KDM1B: variants seen among roughly 807,000 people sequenced by gnomAD.
KDM1B encodes the protein lysine demethylase 1B.
KDM1B carries 63 observed loss-of-function variants against 107.4 expected under a neutral mutation model. The observed-to-expected ratio is 0.59, with a 90% CI of 0.48 to 0.72. KDM1B has a LOEUF of 0.72. Among genes scored for constraint, KDM1B ranks in the 30% least tolerant of loss-of-function variants. KDM1B has a pLI of 0.00. For missense variants in KDM1B, 749 were observed against 1,020.8 expected (o/e 0.73, Z 3.63); for synonymous variants, 363 against 363.9 (o/e 1.00, Z 0.03).
At chr6:18,202,853 T>G (rs1368400691) in intron 14 of KDM1B, among the ~76,000 whole-genome samples, 1 of 152,218 alleles carries the variant, frequency 6.6e-6, no homozygotes, top group Non-Finnish European at 1.5e-5. Flanking sequence ...TTAGTAAGTT[T>G]TGACTGATAT....
At position 18,214,160 on chromosome 6, in the gene KDM1B, T is replaced by C. The variant is rs1429242243; in HGVS notation, c.2109+379T>C. ...GGTGTATGATTGGTGAGGGAGGGTG[T>C]GAGTGTCAGCAGATGTGAGAGCTGA... On this transcript the variant is annotated intron_variant, in intron 19 of 21. Transcript: ENST00000650836. The surrounding 1 kb of genome is among the most constrained non-coding windows in gnomAD (Gnocchi z 4.4). Among the ~76,000 whole-genome samples the C allele has an allele frequency of 2.0e-5, 3 of 151,846 alleles. No individual in the cohort carries two copies. Among genetic ancestry groups the C allele is most frequent in the African/African-American group, 7.3e-5 (3 of 41,328 alleles).
Position 18,191,296 on chromosome 6 carries a change from A to T in KDM1B, c.884A>T (p.Tyr295Phe). Residue 295 changes from tyrosine (Y) to phenylalanine (F), a missense_variant, in exon 10 of 22, where the codon TAT becomes TTT. By Grantham distance (22) the Tyr-to-Phe change is conservative. Transcript: ENST00000650836. The surrounding 1 kb of genome is among the most constrained non-coding windows in gnomAD (Gnocchi z 5.1). ...RPDVMELDEL[Y>F]EFPEYSRDPT... ...GATGTGATGGAACTGGATGAGCTCT[A>T]TGAGTTTCCAGAGTATTCCCGAGAC... The T allele has an allele frequency of 6.4e-7, 1 of 1,550,856 alleles. No individual in the cohort carries two copies. Among genetic ancestry groups the T allele is most frequent in the South Asian group, 1.2e-5 (1 of 84,058 alleles).
intron 12 of KDM1B, among the ~76,000 whole-genome samples, chr6:18,198,637 CAAAAAAAAA>C (rs762849198): frequency 5.8e-5 from 4 of 69,222 alleles, no homozygotes; most frequent in Non-Finnish European, 7.4e-5. Context: ...GACTCCATCT[CAAAAAAAAA>C]AAAAAAAAAA....
chr6:18,183,469 A>G (rs1018000771), intron 7 of KDM1B, among the ~76,000 whole-genome samples: 1 of 151,702 alleles, frequency 6.6e-6, no homozygotes, highest in African/African-American at 2.4e-5. Context: ...CACGTTGGCC[A>G]GGCTTGTCTC....
rs147901190 is a variant in KDM1B at position 18,172,482 on chromosome 6, T to C, written c.534+1003T>C. Among the ~76,000 whole-genome samples, 2,289 of 152,240 alleles carry C rather than the reference T, an allele frequency of 0.015. 30 individuals are homozygous for C. The highest frequency in any genetic ancestry group is 0.034 in the Middle Eastern group (10 of 294). On this transcript the variant is annotated intron_variant, in intron 7 of 21. Transcript: ENST00000650836. The surrounding 1 kb of genome is among the most constrained non-coding windows in gnomAD (Gnocchi z 5.2). The stretch of plus-strand genomic sequence containing the variant: ...TTCCAAAATCTGAAACTTTTTGAGC[T>C]CTGAGATGATGCTCAGAGGTTCTGC...
intron 7 of KDM1B, 31 bp from the exon 8 acceptor site, chr6:18,185,741 C>A (rs1271179419): frequency 1.9e-6 from 3 of 1,601,602 alleles, no homozygotes; most frequent in East Asian, 2.2e-5. Context: ...TTATAAGCAA[C>A]CCTAATTTAA....
At chr6:18,185,878 G>A (rs1786820838) in intron 8 of KDM1B, 68 bp downstream of exon 8, 1 of 1,374,294 alleles carries the variant, frequency 7.3e-7, no homozygotes, top group East Asian at 2.3e-5. Flanking sequence ...ACAAGGAAAT[G>A]ATAGTAACAG....
At chr6:18,167,965 T>G (rs1422068089) in intron 6 of KDM1B, among the ~76,000 whole-genome samples, 1 of 152,156 alleles carries the variant, frequency 6.6e-6, no homozygotes, top group African/African-American at 2.4e-5. Context: ...CTCGATATCT[T>G]GCCCAGGCTG....
In KDM1B at chr6:18,211,671, T is replaced by A. The variant is rs1200010670; in HGVS notation, c.1867-817T>A. 6.6e-6 allele frequency: 1 copy of A among 152,294 alleles called. No homozygotes were observed. Among genetic ancestry groups the A allele is most frequent in the Non-Finnish European group, 1.5e-5 (1 of 68,062 alleles). The allele number at this position is 152,294 out of a possible 1,614,324, so 9.4% of individuals were successfully genotyped here. On this transcript the variant is annotated intron_variant, in intron 17 of 21. Coordinates refer to ENST00000650836, the MANE Select transcript of KDM1B (RefSeq NM_001364614.2). This position sits in a 1 kb window ranked among gnomAD's most constrained non-coding sequence, Gnocchi z 5.2. ...AATGGCGTCCTGATTGTAGCAACGA[T>A]AATGGGGTCTGGAGCCAGAAATGTC... is the stretch of plus-strand genomic sequence containing the variant.
rs546631683 is a variant in KDM1B at position 18,172,818 on chromosome 6, G to A, written c.534+1339G>A. 5.9e-5 allele frequency among the ~76,000 whole-genome samples: 9 copies of A among 151,950 alleles called. No individual in the cohort carries two copies. In the South Asian group the frequency reaches 1.3e-3, roughly 21 times the overall value. ...AAACATATTAGGAGTGGTTGGGCGC[G>A]GTGGCTCACACCTGTAATCCCAGCA... On this transcript the variant is annotated intron_variant, in intron 7 of 21. Transcript: ENST00000650836. The surrounding 1 kb of genome is among the most constrained non-coding windows in gnomAD (Gnocchi z 5.2).
At chr6:18,171,500 T>A in intron 7 of KDM1B, 21 bp downstream of exon 7, 1 of 1,206,950 alleles carries the variant, frequency 8.3e-7, no homozygotes, top group Non-Finnish European at 1.2e-6. Context: ...TTTTTGCTTT[T>A]GAGTTAATTG....
Position 18,207,468 on chromosome 6 carries a change from C to T in KDM1B, c.1730C>T (p.Pro577Leu). 6.2e-7 allele frequency: 1 copy of T among 1,614,174 alleles called. No homozygotes were observed. ...GCTGGTGACCACACTCTGCTAACTC[C>T]CGGGTACTCGGTGATAATTGAAAAA... is the stretch of plus-strand genomic sequence containing the variant. Reference protein sequence around the residue: ...QFAGDHTLLTPGYSVIIEKLA... With the variant: ...QFAGDHTLLTLGYSVIIEKLA... The change falls in exon 16 of 22, where the codon CCC (proline) becomes CTC (leucine). Residue 577 changes from proline (P) to leucine (L), a missense_variant. By Grantham distance (98) the Pro-to-Leu change is moderately conservative. Coordinates refer to ENST00000650836, the MANE Select transcript of KDM1B (RefSeq NM_001364614.2).
rs1203658310 is a variant in KDM1B, at chr6:18,214,173, A to T, written c.2109+392A>T. On this transcript the variant is annotated intron_variant, in intron 19 of 21. Coordinates refer to ENST00000650836, the MANE Select transcript of KDM1B (RefSeq NM_001364614.2). The surrounding 1 kb of genome is among the most constrained non-coding windows in gnomAD (Gnocchi z 4.4). ...TGAGGGAGGGTGTGAGTGTCAGCAG[A>T]TGTGAGAGCTGAGGGAAGGAAGGAG... Among the ~76,000 whole-genome samples, 1 of 152,050 alleles carries T rather than the reference A, an allele frequency of 6.6e-6. No individual in the cohort carries two copies. Among genetic ancestry groups the T allele is most frequent in the African/African-American group, 2.4e-5 (1 of 41,414 alleles).
chr6:18,167,600 A>G (rs1476869921), intron 6 of KDM1B, among the ~76,000 whole-genome samples: 1 of 151,420 alleles, frequency 6.6e-6, no homozygotes, highest in Non-Finnish European at 1.5e-5. Flanking sequence ...CAGCCTCCCT[A>G]ATAGCTGGGA....
chr6:18,218,249 TA>T (rs1789400668), intron 21 of KDM1B, among the ~76,000 whole-genome samples: 1 of 152,058 alleles, frequency 6.6e-6, no homozygotes, highest in Admixed American at 6.6e-5. Flanking sequence ...GCTTCCCAAG[TA>T]GCTGGGACTG....
rs551770956 is a variant in KDM1B, at chr6:18,206,468, G to A, written c.1659+804G>A. Among the ~76,000 whole-genome samples, 11 of 152,328 alleles carry A rather than the reference G, an allele frequency of 7.2e-5. No individual in the cohort carries two copies. The East Asian group carries it at 2.1e-3, about 29-fold the overall frequency. ...GGAGTTCAAAGCTGCAGTTAGCTGTGATGGTGCTACCACACTGCTGCCTGG... is the reference window on the plus strand; with the variant it reads ...GGAGTTCAAAGCTGCAGTTAGCTGTAATGGTGCTACCACACTGCTGCCTGG... On this transcript the variant is annotated intron_variant, in intron 15 of 21. Coordinates refer to ENST00000650836, the MANE Select transcript of KDM1B (RefSeq NM_001364614.2).
intron 7 of KDM1B, among the ~76,000 whole-genome samples, chr6:18,179,161 A>G (rs1786262053): frequency 6.6e-6 from 1 of 152,202 alleles, no homozygotes; most frequent in Non-Finnish European, 1.5e-5. Context: ...TATGATGACC[A>G]TTGCATTTTC....
intron 21 of KDM1B, among the ~76,000 whole-genome samples, chr6:18,221,090 C>T (rs187856292): frequency 3.2e-3 from 486 of 152,010 alleles, no homozygotes; most frequent in Non-Finnish European, 5.6e-3. Context: ...GCCACTTTCT[C>T]CCCCCACTAG....
At chr6:18,208,603 G>GTATATATATATGTA (rs1554149813) in intron 17 of KDM1B, among the ~76,000 whole-genome samples, 23 of 34,914 alleles carry the variant, frequency 6.6e-4, no homozygotes, top group African/African-American at 1.9e-3. Context: ...GTATGTGTAT[G>GTATATATATATGTA]TATATATATA....
Sources: allele counts gnomAD v4.1 joint callset (sites outside exome capture counted in the v4.1 genomes callset), GRCh38; gene constraint gnomAD v4.1.1; non-coding constraint Gnocchi (gnomAD v3.1); transcripts MANE v1.5; gene names NCBI Gene and HGNC (gene_info 2026-07-23, HGNC 2026-07-21).